The following ENTPD1 variants were observed in gnomAD, a reference collection of about 807,000 sequenced individuals.
ENTPD1 encodes ectonucleoside triphosphate diphosphohydrolase 1, also known as ATP diphosphohydrolase.
A neutral mutation model predicts 57.0 loss-of-function variants in ENTPD1; 33 were observed. The ratio of observed to expected loss-of-function variants is 0.58; its 90% confidence interval spans 0.44 to 0.77. The LOEUF is 0.77. Ranked by LOEUF, ENTPD1 falls within the 30% of genes least tolerant of loss-of-function variation. ENTPD1 has a pLI of 0.00. For synonymous variants in ENTPD1, 202 were observed against 218.8 expected (o/e 0.92, Z 0.68); for missense variants, 501 against 603.4 (o/e 0.83, Z 1.78).
At chr10:95,800,561 G>T (rs189255000) in intron 1 of ENTPD1, among the ~76,000 whole-genome samples, 1 of 152,184 alleles carries the variant, frequency 6.6e-6, no homozygotes, top group African/African-American at 2.4e-5. Flanking sequence ...AGACCAGGGC[G>T]TATTTCAGTC....
At chr10:95,810,887 A>C (rs1451678750) in intron 1 of ENTPD1, among the ~76,000 whole-genome samples, 1 of 152,214 alleles carries the variant, frequency 6.6e-6, no homozygotes, top group East Asian at 1.9e-4. Flanking sequence ...AAAAACGCAG[A>C]GGACCCTGAT....
chr10:95,719,664 G>A (rs2097975343), intron 1 of ENTPD1, among the ~76,000 whole-genome samples: 1 of 152,198 alleles, frequency 6.6e-6, no homozygotes, highest in Non-Finnish European at 1.5e-5. Context: ...GCGTTTGGGT[G>A]GCTTGATGGC....
intron 1 of ENTPD1, among the ~76,000 whole-genome samples, chr10:95,744,620 CA>C (rs35460146): frequency 0.55 from 77,495 of 140,800 alleles, 20,634 homozygotes; most frequent in Admixed American, 0.63. Flanking sequence ...GACTCTGTCT[CA>C]AAAAAAAAAA....
At chr10:95,841,664 T>C (rs993846676) in intron 3 of ENTPD1, among the ~76,000 whole-genome samples, 2 of 151,874 alleles carry the variant, frequency 1.3e-5, no homozygotes, top group Non-Finnish European at 2.9e-5. Context: ...GTGTAGATAT[T>C]TATCTTAATG....
intron 1 of ENTPD1, among the ~76,000 whole-genome samples, chr10:95,807,942 C>T (rs1795799948): frequency 6.6e-6 from 1 of 152,166 alleles, no homozygotes; most frequent in Non-Finnish European, 1.5e-5. Flanking sequence ...CTAACCAGGA[C>T]ATCCAATACT....
At chr10:95,838,108 C>T (rs991997932) in intron 2 of ENTPD1, among the ~76,000 whole-genome samples, 5 of 152,150 alleles carry the variant, frequency 3.3e-5, no homozygotes, top group Non-Finnish European at 7.4e-5. Context: ...CTCTTCCTTT[C>T]GCTTCCCCAT....
intron 1 of ENTPD1, among the ~76,000 whole-genome samples, chr10:95,810,444 A>G (rs1589954434): frequency 8.7e-6 from 1 of 114,762 alleles, no homozygotes; most frequent in Non-Finnish European, 1.8e-5. Flanking sequence ...CTTCCCGGAT[A>G]GGGCAGCCGG....
chr10:95,808,511 T>G (rs2098282184), intron 1 of ENTPD1, among the ~76,000 whole-genome samples: 1 of 152,194 alleles, frequency 6.6e-6, no homozygotes, highest in Non-Finnish European at 1.5e-5. Context: ...GGTCTTCATT[T>G]TTTACCTTGT....
At position 95,866,696 on chromosome 10, in the gene ENTPD1, G is replaced by A; in HGVS notation, c.*313G>A. 8.3e-7 allele frequency: 1 copy of A among 1,203,010 alleles called. No homozygotes were observed. Among genetic ancestry groups the A allele is most frequent in the Non-Finnish European group, 1.0e-6 (1 of 954,992 alleles). The allele number at this position is 1,203,010 out of a possible 1,614,324, so 74.5% of individuals were successfully genotyped here. ...CTTTGCTTTATAAAAGAACAATATT[G>A]ACTTTGTCTAGAAGAACTGAGAGTC... On this transcript the variant is annotated 3_prime_UTR_variant, in exon 10 of 10. Transcript: ENST00000371205.
chr10:95,868,803 T>C lies in ENTPD1; in HGVS notation c.*2420T>C. 1 of 985,348 alleles carries C rather than the reference T, an allele frequency of 1.0e-6. No individual in the cohort carries two copies. The highest frequency in any genetic ancestry group is 5.2e-4 in the Middle Eastern group (1 of 1,914). 61.0% of individuals were successfully genotyped at this position (985,348 alleles called of 1,614,324 possible). On this transcript the variant is annotated 3_prime_UTR_variant, in exon 10 of 10. Coordinates refer to ENST00000371205, the MANE Select transcript of ENTPD1 (RefSeq NM_001776.6). ...AGTCTCCTTCAGAGAACACAAATCT[T>C]TTCTTATTCCATTCCTGTTTGGTTG...
At chr10:95,774,743 A>G (rs552902730) in intron 1 of ENTPD1, among the ~76,000 whole-genome samples, 28 of 152,262 alleles carry the variant, frequency 1.8e-4, no homozygotes, top group Non-Finnish European at 3.5e-4. Context: ...GCCTTGTAGT[A>G]TAGTTTGAAG....
At chr10:95,793,750 G>A (rs1006763507) in intron 1 of ENTPD1, among the ~76,000 whole-genome samples, 1 of 152,030 alleles carries the variant, frequency 6.6e-6, no homozygotes, top group African/African-American at 2.4e-5. Flanking sequence ...GTTCTTTAAA[G>A]GAGAAGTCCA....
chr10:95,853,704 C>T (rs2098449450), intron 7 of ENTPD1, among the ~76,000 whole-genome samples: 2 of 152,106 alleles, frequency 1.3e-5, no homozygotes, highest in African/African-American at 4.8e-5. Context: ...TGGCTTTTGT[C>T]TTTGGTTCTG....
chr10:95,772,706 T>C (rs1444979824), intron 1 of ENTPD1, among the ~76,000 whole-genome samples: 2 of 152,240 alleles, frequency 1.3e-5, no homozygotes, highest in Non-Finnish European at 2.9e-5. Context: ...AATATTGGTA[T>C]TTTGACCTCC....
intron 1 of ENTPD1, among the ~76,000 whole-genome samples, chr10:95,807,079 G>A (rs1392369301): frequency 6.6e-6 from 1 of 152,230 alleles, no homozygotes; most frequent in Non-Finnish European, 1.5e-5. Flanking sequence ...TGCCGAAGTT[G>A]TCTGCTGCCT....
chr10:95,751,145 T>C (rs2098011359), upstream of ENTPD1, among the ~76,000 whole-genome samples: 1 of 152,180 alleles, frequency 6.6e-6, no homozygotes, highest in African/African-American at 2.4e-5. Context: ...AGAGAGTCCT[T>C]ACATATTCGA....
At chr10:95,743,633 G>A (rs564227247) in intron 1 of ENTPD1, among the ~76,000 whole-genome samples, 14 of 151,912 alleles carry the variant, frequency 9.2e-5, no homozygotes, top group African/African-American at 1.9e-4. Context: ...GTATAGACTC[G>A]TGGATATTTA....
At chr10:95,694,921 G>T in the ENTPD1 span, among the ~76,000 whole-genome samples, 2 of 84,642 alleles carry the variant, frequency 2.4e-5, no homozygotes, top group Non-Finnish European at 4.6e-5. Context: ...TTTTTTTTGA[G>T]ACGGTGTTTC....
At chr10:95,834,909 C>T (rs538163707) in intron 2 of ENTPD1, among the ~76,000 whole-genome samples, 185 of 150,460 alleles carry the variant, frequency 1.2e-3, no homozygotes, top group South Asian at 7.6e-3. Context: ...GGTGACAGAG[C>T]GAGACTCCGT....
Sources: allele counts gnomAD v4.1 joint callset (sites outside exome capture counted in the v4.1 genomes callset), GRCh38; gene constraint gnomAD v4.1.1; transcripts MANE v1.5; gene names NCBI Gene and HGNC (gene_info 2026-07-23, HGNC 2026-07-21).